The following RCBTB2 variants were observed in gnomAD, a reference collection of about 807,000 sequenced individuals.
The protein encoded by RCBTB2 is RCC1 and BTB domain containing protein 2.
In RCBTB2, 55 loss-of-function variants were observed where a neutral mutation model predicts 65.4. The observed-to-expected ratio is 0.84, with a 90% CI of 0.68 to 1.05. The LOEUF is 1.05. Ranked by LOEUF, RCBTB2 falls within the 50% of genes least tolerant of loss-of-function variation. The pLI is 0.00. For missense variants in RCBTB2, 599 were observed against 680.1 expected, an observed-to-expected ratio of 0.88 and a Z score of 1.33; for synonymous variants, 220 against 255.2, an observed-to-expected ratio of 0.86 and a Z score of 1.31.
chr13:48,512,012 T>A lies in RCBTB2; in HGVS notation c.675+4A>T. The A allele has an allele frequency of 6.2e-7, 1 of 1,612,866 alleles. No homozygotes were observed. Among genetic ancestry groups the A allele is most frequent in the Non-Finnish European group, 8.5e-7 (1 of 1,178,940 alleles). On this transcript the variant is annotated splice_donor_region_variant and intron_variant, in intron 8 of 14. Transcript: ENST00000344532. The stretch of plus-strand genomic sequence containing the variant: ...TTAAACAAGATGTAAAATAACTTCC[T>A]TACCTCCCCCGTGTCTACTACTGCC...
chr13:48,508,884 A>G (rs1224909913), intron 10 of RCBTB2, among the ~76,000 whole-genome samples: 2 of 152,112 alleles, frequency 1.3e-5, no homozygotes, highest in Admixed American at 1.3e-4. Context: ...CATCTGCCCC[A>G]GTGAGAACCT....
At position 48,490,247 on chromosome 13, in the gene RCBTB2, A is replaced by G; in HGVS notation, c.1520T>C (p.Leu507Ser). The G allele has an allele frequency of 6.2e-7, 1 of 1,611,880 alleles. No homozygotes were observed. Among genetic ancestry groups the G allele is most frequent in the Non-Finnish European group, 8.5e-7 (1 of 1,178,462 alleles). The change falls in exon 15 of 15, where the codon TTA (leucine) becomes TCA (serine). Residue 507 changes from leucine to serine, a missense_variant. Leu to Ser is a moderately radical substitution (Grantham distance 145). Coordinates refer to ENST00000344532, the MANE Select transcript of RCBTB2 (RefSeq NM_001268.4). ...GCAAAACCTGAAGCAGAATTCTTCT[A>G]AATCCTAGGAACAACAACAAAGATG... Reference protein sequence around the residue: ...SAAVKYDAQDLEEFCFRFCIN... With the variant: ...SAAVKYDAQDSEEFCFRFCIN...
intron 12 of RCBTB2, among the ~76,000 whole-genome samples, chr13:48,500,344 G>C (rs1340981862): frequency 6.6e-6 from 1 of 152,150 alleles, no homozygotes; most frequent in Non-Finnish European, 1.5e-5. Context: ...TGGATCACGA[G>C]GTCAGGAGTT....
intron 4 of RCBTB2, among the ~76,000 whole-genome samples, chr13:48,517,609 C>T (rs1951163919): frequency 6.6e-6 from 1 of 152,202 alleles, no homozygotes; most frequent in Non-Finnish European, 1.5e-5. Context: ...CCAATGGCCA[C>T]TGGACCTAAA....
In RCBTB2 at chr13:48,512,750, C is replaced by CA; in HGVS notation, c.494dup (p.Leu165PhefsTer6). ...TCACCTCTCCATCAGATGTTAGCACCAAAGAATGGTAAGACCCACAGGCAA... is the reference window on the plus strand; with the variant it reads ...TCACCTCTCCATCAGATGTTAGCACCAAAAGAATGGTAAGACCCACAGGCAA... On this transcript the variant is annotated frameshift_variant, in exon 7 of 15. Coordinates refer to ENST00000344532, the MANE Select transcript of RCBTB2 (RefSeq NM_001268.4). LOFTEE classifies it high-confidence loss of function. 6.2e-7 allele frequency: 1 copy of CA among 1,613,830 alleles called. No homozygotes were observed. Among genetic ancestry groups the CA allele is most frequent in the Non-Finnish European group, 8.5e-7 (1 of 1,179,862 alleles).
chr13:48,535,534 A>G, upstream of RCBTB2: 2 of 397,548 alleles, frequency 5.0e-6, no homozygotes, highest in Non-Finnish European at 1.0e-5. Flanking sequence ...GAGATTATAG[A>G]TGTGAGCTAT....
At chr13:48,522,175 C>T (rs908190608) in intron 3 of RCBTB2, 133 bp downstream of exon 3, 10 of 727,740 alleles carry the variant, frequency 1.4e-5, no homozygotes, top group Admixed American at 5.1e-5. Context: ...TGGCCTCTTA[C>T]GGGAATCTTC....
chr13:48,520,867 C>T (rs184014853), intron 4 of RCBTB2, among the ~76,000 whole-genome samples: 102 of 152,190 alleles, frequency 6.7e-4, no homozygotes, highest in Admixed American at 1.2e-3. Flanking sequence ...ATGCCAACAC[C>T]TCAACTTTTG....
intron 10 of RCBTB2, among the ~76,000 whole-genome samples, chr13:48,507,055 C>T (rs1049157020): frequency 2.6e-5 from 4 of 152,232 alleles, no homozygotes; most frequent in Non-Finnish European, 5.9e-5. Context: ...AAGTGGGACA[C>T]TACTCTCTAG....
chr13:48,515,628 G>A lies in RCBTB2; in HGVS notation c.156C>T (p.Gly52=). ...LQLIRQACVF[G]SAGNEVLYTT... ...TGTATAAAACTTCATTGCCAGCACT[G>A]CCAAAGACACAAGCCTGACGAATTA... is the stretch of plus-strand genomic sequence containing the variant. Residue 52 remains glycine (G), a synonymous_variant, in exon 5 of 15, where the codon GGC becomes GGT. Transcript: ENST00000344532. 6.2e-7 allele frequency: 1 copy of A among 1,613,252 alleles called. No individual in the cohort carries two copies. The highest frequency in any genetic ancestry group is 8.5e-7 in the Non-Finnish European group (1 of 1,179,756).
At chr13:48,496,098 T>G (rs1949954454) in intron 14 of RCBTB2, 93 bp downstream of exon 14, 3 of 1,207,024 alleles carry the variant, frequency 2.5e-6, no homozygotes, top group Non-Finnish European at 3.2e-6. Flanking sequence ...AAATATTTCC[T>G]CTACCCAGAC....
intron 4 of RCBTB2, among the ~76,000 whole-genome samples, chr13:48,516,314 G>A (rs925533312): frequency 6.6e-6 from 1 of 152,180 alleles, no homozygotes; most frequent in Non-Finnish European, 1.5e-5. Flanking sequence ...CAGAAAACAC[G>A]TGTACTTGTT....
intron 13 of RCBTB2, among the ~76,000 whole-genome samples, chr13:48,498,283 A>C (rs1261156258): frequency 1.3e-5 from 2 of 152,172 alleles, no homozygotes; most frequent in Non-Finnish European, 2.9e-5. Flanking sequence ...TTCTTAATGA[A>C]ATTACATTTT....
chr13:48,489,448 T>C lies in RCBTB2; in HGVS notation c.*663A>G, dbSNP rs890667038. The C allele has an allele frequency of 2.0e-5, 3 of 152,244 alleles. No individual in the cohort carries two copies. Among genetic ancestry groups the C allele is most frequent in the Non-Finnish European group, 2.9e-5 (2 of 68,058 alleles). 9.4% of individuals were successfully genotyped at this position (152,244 alleles called of 1,614,324 possible). The stretch of plus-strand genomic sequence containing the variant: ...TGAGAAATTAATGAATGACTCCAAG[T>C]AAAAAGAAAATTAAAATTAGCCCTT... On this transcript the variant is annotated 3_prime_UTR_variant, in exon 15 of 15. Transcript: ENST00000344532.
At position 48,515,188 on chromosome 13, in the gene RCBTB2, T is replaced by C. The variant is rs2138563735; in HGVS notation, c.349+17A>G. The C allele has an allele frequency of 1.2e-6, 2 of 1,605,600 alleles. No individual in the cohort carries two copies. The highest frequency in any genetic ancestry group is 1.7e-4 in the Middle Eastern group (1 of 6,022). On this transcript the variant is annotated intron_variant, in intron 6 of 14. Transcript: ENST00000344532. Reference sequence around the variant, plus strand: ...CTGCGAATAAAGCTGAAATTCTACATGGGGTTCCTAGGTTACCTGTTGTTG... The same window carrying C: ...CTGCGAATAAAGCTGAAATTCTACACGGGGTTCCTAGGTTACCTGTTGTTG...
chr13:48,518,472 A>AAAAAAT lies in RCBTB2; in HGVS notation c.43-2732_43-2731insATTTTT, dbSNP rs1491137365. On this transcript the variant is annotated intron_variant, in intron 4 of 14. Transcript: ENST00000344532. ...AGAGTACTTTGCAAAAAAAAAAAAA[A>AAAAAAT]ATATATATATATATATATATATATT... Among the ~76,000 whole-genome samples, 697 of 116,530 alleles carry AAAAAAT rather than the reference A, an allele frequency of 6.0e-3. 11 individuals carry two copies. Among genetic ancestry groups the AAAAAAT allele is most frequent in the African/African-American group, 0.025 (655 of 26,510 alleles). 76.4% of individuals were successfully genotyped at this position (116,530 alleles called of 152,430 possible).
At position 48,501,063 on chromosome 13, in the gene RCBTB2, C is replaced by T. The variant is rs541695518; in HGVS notation, c.1244+679G>A. On this transcript the variant is annotated intron_variant, in intron 12 of 14. Transcript: ENST00000344532. ...TCCTGTATCATCCCATCTAAATACA[C>T]TCTAGAAAATGCTAACTCAGCTACA... 1.1e-4 allele frequency among the ~76,000 whole-genome samples: 17 copies of T among 152,268 alleles called. No individual in the cohort carries two copies. The South Asian group carries it at 2.5e-3, about 22-fold the overall frequency.
chr13:48,528,777 A>G (rs1282372440), intron 1 of RCBTB2, among the ~76,000 whole-genome samples: 1 of 152,234 alleles, frequency 6.6e-6, no homozygotes, highest in Non-Finnish European at 1.5e-5. Context: ...GATGTCTAAA[A>G]TCAATGACAA....
chr13:48,518,472 A>AAAAATATATATATATAT (rs1491137365), intron 4 of RCBTB2, among the ~76,000 whole-genome samples: 1 of 116,620 alleles, frequency 8.6e-6, no homozygotes, highest in African/African-American at 3.8e-5. Context: ...AAAAAAAAAA[A>AAAAATATATATATATAT]ATATATATAT....
Sources: gnomAD v4.1 joint callset for allele counts (sites outside exome capture counted in the v4.1 genomes callset) on GRCh38, gnomAD v4.1.1 for gene constraint, MANE v1.5 for transcripts, NCBI Gene and HGNC (gene_info 2026-07-23, HGNC 2026-07-21) for gene names.